The following NIPSNAP2 variants were observed in gnomAD, a reference collection of about 807,000 sequenced individuals.
The protein encoded by NIPSNAP2 is nipsnap homolog 2.
In NIPSNAP2, 42 loss-of-function variants were observed where a neutral mutation model predicts 48.4. That is an observed-to-expected ratio of 0.87 (90% CI 0.68 to 1.12). The LOEUF (loss-of-function observed/expected upper bound fraction) is 1.12, where lower values mean the gene tolerates loss of function less well. Ranked by LOEUF, NIPSNAP2 falls within the 50% of genes most tolerant of loss-of-function variation. NIPSNAP2 has a pLI of 0.00. For missense variants in NIPSNAP2, 314 were observed against 347.3 expected (o/e 0.90, Z 0.76); for synonymous variants, 158 against 126.6 (o/e 1.25, Z -1.67).
intron 8 of NIPSNAP2, 71 bp from the exon 9 acceptor site, chr7:55,997,295 T>C (rs1032811868): frequency 3.5e-6 from 4 of 1,128,892 alleles, no homozygotes; most frequent in Non-Finnish European, 4.0e-6. Context: ...GAAGCAAGAC[T>C]TTAACGGATG....
At chr7:55,975,526 A>G (rs535457775) in intron 1 of NIPSNAP2, among the ~76,000 whole-genome samples, 4 of 152,266 alleles carry the variant, frequency 2.6e-5, no homozygotes, top group African/African-American at 7.2e-5. Flanking sequence ...CTGAGGGACA[A>G]GGAACACAGC....
intron 7 of NIPSNAP2, among the ~76,000 whole-genome samples, chr7:55,990,223 T>C (rs1787414897): frequency 6.7e-6 from 1 of 149,198 alleles, no homozygotes; most frequent in African/African-American, 2.5e-5. Flanking sequence ...TTAATTTTTG[T>C]TTCTTTTCTT....
chr7:55,995,631 C>T (rs1258306476), intron 8 of NIPSNAP2, among the ~76,000 whole-genome samples: 5 of 152,176 alleles, frequency 3.3e-5, no homozygotes, highest in African/African-American at 1.2e-4. Context: ...GCTAGAAGGG[C>T]AGGATTGGAT....
rs1037393513 is a variant in NIPSNAP2 at position 55,999,947 on chromosome 7, C to A, written c.*875C>A. 29 of 152,634 alleles carry A rather than the reference C, an allele frequency of 1.9e-4. No individual in the cohort carries two copies. The highest frequency in any genetic ancestry group is 6.7e-4 in the African/African-American group (28 of 41,538). The allele number at this position is 152,634 out of a possible 1,614,324, so 9.5% of individuals were successfully genotyped here. ...TGGTGCATGTTGAGATTTAAATTGG[C>A]ATAAAGCTGCATACTTTTTGTCTAG... is the stretch of plus-strand genomic sequence containing the variant. On this transcript the variant is annotated 3_prime_UTR_variant, in exon 10 of 10. Transcript: ENST00000322090.
intron 1 of NIPSNAP2, among the ~76,000 whole-genome samples, chr7:55,976,198 A>G (rs1215278199): frequency 1.3e-5 from 2 of 152,226 alleles, no homozygotes; most frequent in African/African-American, 2.4e-5. Flanking sequence ...GTGTATATAT[A>G]GTGCTGTTCT....
chr7:55,995,762 AACAG>A (rs1333128392), intron 8 of NIPSNAP2, among the ~76,000 whole-genome samples: 1 of 152,182 alleles, frequency 6.6e-6, no homozygotes, highest in Non-Finnish European at 1.5e-5. Context: ...TGGAATGGCA[AACAG>A]GCAGGCACCA....
At chr7:55,997,197 C>T (rs933602940) in intron 8 of NIPSNAP2, among the ~76,000 whole-genome samples, 169 bp from the exon 9 acceptor site, 11 of 151,704 alleles carry the variant, frequency 7.3e-5, no homozygotes, top group African/African-American at 1.9e-4. Flanking sequence ...GCTTTTCCCA[C>T]GTGGCCTAAT....
intron 1 of NIPSNAP2, among the ~76,000 whole-genome samples, chr7:55,969,819 T>TA (rs1786979027): frequency 6.6e-6 from 1 of 151,594 alleles, no homozygotes; most frequent in East Asian, 1.9e-4. Flanking sequence ...CTGTCTCTAC[T>TA]AAAAATACAA....
intron 1 of NIPSNAP2, among the ~76,000 whole-genome samples, chr7:55,970,370 G>A (rs890591500): frequency 2.1e-4 from 31 of 150,294 alleles, no homozygotes; most frequent in African/African-American, 9.8e-5. Flanking sequence ...GAGCAGTGGC[G>A]TGATCTTGGC....
intron 7 of NIPSNAP2, among the ~76,000 whole-genome samples, chr7:55,993,191 C>G (rs1025286964): frequency 6.6e-6 from 1 of 151,420 alleles, no homozygotes; most frequent in Non-Finnish European, 1.5e-5. Flanking sequence ...CCCAGCTACA[C>G]AGGAAGCTGA....
rs1380050544 is a variant in NIPSNAP2, at chr7:55,999,921, G to A, written c.*849G>A. 1 of 152,604 alleles carries A rather than the reference G, an allele frequency of 6.6e-6. No individual in the cohort carries two copies. Among genetic ancestry groups the A allele is most frequent in the African/African-American group, 2.4e-5 (1 of 41,438 alleles). 9.5% of individuals were successfully genotyped at this position (152,604 alleles called of 1,614,324 possible). On this transcript the variant is annotated 3_prime_UTR_variant, in exon 10 of 10. Transcript: ENST00000322090. The stretch of plus-strand genomic sequence containing the variant: ...ATAATTCTGAGATCATGGGTGAGGG[G>A]TGGTGCATGTTGAGATTTAAATTGG...
Position 55,975,792 on chromosome 7 carries a change from C to A in NIPSNAP2, c.93-2334C>A, listed in dbSNP as rs560000029. On this transcript the variant is annotated intron_variant, in intron 1 of 9. Transcript: ENST00000322090. ...GTGGCTCACACCTATAATCCCAGCACTTTGGGAGGCCGAGGTGGGCAGATC... is the reference window on the plus strand; with the variant it reads ...GTGGCTCACACCTATAATCCCAGCAATTTGGGAGGCCGAGGTGGGCAGATC... 6.6e-4 allele frequency among the ~76,000 whole-genome samples: 101 copies of A among 152,310 alleles called. 1 individual carries two copies. The highest frequency in any genetic ancestry group is 2.4e-3 in the African/African-American group (98 of 41,578).
chr7:55,986,620 C>T (rs1787333522), intron 7 of NIPSNAP2, among the ~76,000 whole-genome samples: 2 of 151,862 alleles, frequency 1.3e-5, no homozygotes, highest in Admixed American at 1.3e-4. Flanking sequence ...CAAGATCACC[C>T]CATTGCACTA....
chr7:55,984,390 A>G (rs60007968), intron 6 of NIPSNAP2, among the ~76,000 whole-genome samples: 10,140 of 152,186 alleles, frequency 0.067, 1,104 homozygotes, highest in African/African-American at 0.23. Context: ...CAGCCTGAAC[A>G]ACATAGTGAG....
intron 1 of NIPSNAP2, 91 bp downstream of exon 1, chr7:55,964,792 C>T (rs1481960952): frequency 1.7e-6 from 1 of 605,508 alleles, no homozygotes; most frequent in Non-Finnish European, 2.2e-6. Context: ...TCCGCCCCGG[C>T]CCTGTCCCCA....
chr7:55,997,917 A>G (rs922358440), intron 9 of NIPSNAP2, among the ~76,000 whole-genome samples: 11 of 152,228 alleles, frequency 7.2e-5, no homozygotes, highest in African/African-American at 2.7e-4. Context: ...GTGCACATAC[A>G]TAAGTATATT....
intron 7 of NIPSNAP2, 34 bp from the exon 8 acceptor site, chr7:55,994,860 A>G: frequency 6.4e-7 from 1 of 1,556,986 alleles, no homozygotes; most frequent in South Asian, 1.1e-5. Context: ...TATCTAATTC[A>G]GTGTCTTAAA....
intron 7 of NIPSNAP2, among the ~76,000 whole-genome samples, chr7:55,985,371 T>G (rs549262619): frequency 2.6e-4 from 40 of 152,040 alleles, no homozygotes; most frequent in African/African-American, 8.9e-4. Context: ...AGTAGAAAAA[T>G]AACAATTTTT....
At chr7:55,992,694 C>T (rs1787476755) in intron 7 of NIPSNAP2, among the ~76,000 whole-genome samples, 1 of 152,192 alleles carries the variant, frequency 6.6e-6, no homozygotes, top group African/African-American at 2.4e-5. Flanking sequence ...ATGCTGCCAG[C>T]TCTTTTGAAT....
Sources: gnomAD v4.1 joint callset for allele counts (sites outside exome capture counted in the v4.1 genomes callset) on GRCh38, gnomAD v4.1.1 for gene constraint, MANE v1.5 for transcripts, NCBI Gene and HGNC (gene_info 2026-07-23, HGNC 2026-07-21) for gene names.